The following GMPS variants were observed in gnomAD, a reference collection of about 807,000 sequenced individuals.
GMPS encodes the protein GMP synthase [glutamine-hydrolyzing].
GMPS carries 15 observed loss-of-function variants against 77.9 expected under a neutral mutation model. The ratio of observed to expected loss-of-function variants is 0.19; its 90% CI spans 0.13 to 0.30. GMPS has a LOEUF of 0.30. GMPS is among the 10% of genes least tolerant of loss of function. The pLI is 1.00. For synonymous variants in GMPS, 224 were observed against 275.9 expected, an observed-to-expected ratio of 0.81 and a Z score of 1.86; for missense variants, 590 against 838.8, an observed-to-expected ratio of 0.70 and a Z score of 3.66.
intron 1 of GMPS, among the ~76,000 whole-genome samples, chr3:155,878,017 G>A (rs1158581638): frequency 3.3e-5 from 5 of 151,956 alleles, no homozygotes; most frequent in Non-Finnish European, 5.9e-5. Flanking sequence ...CAGGTGATCC[G>A]CCTGCCTTGG....
intron 12 of GMPS, among the ~76,000 whole-genome samples, chr3:155,928,675 A>G (rs1383474104): frequency 1.0e-4 from 13 of 126,726 alleles, no homozygotes; most frequent in Non-Finnish European, 2.0e-4. Flanking sequence ...TCCCAATGCT[A>G]TCCCTCCCCC....
At chr3:155,908,750 TGA>T (rs1754958306) in intron 5 of GMPS, among the ~76,000 whole-genome samples, 1 of 152,210 alleles carries the variant, frequency 6.6e-6, no homozygotes, top group African/African-American at 2.4e-5. Context: ...CTCAGGAGTT[TGA>T]GTTTGCATAT....
intron 1 of GMPS, among the ~76,000 whole-genome samples, chr3:155,886,611 CTTTTTTTTTTTTT>C (rs58367815): frequency 0.031 from 2,440 of 78,164 alleles, 141 homozygotes; most frequent in African/African-American, 0.12. Flanking sequence ...TTCCTGATGA[CTTTTTTTTTTTTT>C]TTTTTTTTTT....
At chr3:155,884,215 G>A (rs1023250743) in intron 1 of GMPS, among the ~76,000 whole-genome samples, 1 of 151,040 alleles carries the variant, frequency 6.6e-6, no homozygotes, top group Admixed American at 6.6e-5. Context: ...GTGAAACCCC[G>A]TCTCTACTAA....
intron 12 of GMPS, among the ~76,000 whole-genome samples, chr3:155,930,025 G>T (rs1394393656): frequency 1.3e-4 from 19 of 149,364 alleles, no homozygotes; most frequent in Admixed American, 8.7e-4. Context: ...AGTTCATATG[G>T]AACCAAAAAA....
intron 9 of GMPS, among the ~76,000 whole-genome samples, chr3:155,916,907 C>T (rs1755194329): frequency 6.6e-6 from 1 of 152,136 alleles, no homozygotes; most frequent in South Asian, 2.1e-4. Flanking sequence ...CACATCCTCA[C>T]CAAGACTTGT....
At chr3:155,879,130 C>T (rs1420286516) in intron 1 of GMPS, among the ~76,000 whole-genome samples, 6 of 152,210 alleles carry the variant, frequency 3.9e-5, no homozygotes, top group Middle Eastern at 3.4e-3. Flanking sequence ...ATTCAAATGC[C>T]AGTCTCTCCT....
At chr3:155,871,040 A>T in intron 1 of GMPS, 143 bp downstream of exon 1, 2 of 676,780 alleles carry the variant, frequency 3.0e-6, no homozygotes, top group Non-Finnish European at 4.4e-6. Flanking sequence ...CGCGTCGTAG[A>T]GTCCCTGGTC....
chr3:155,941,543 G>A lies in GMPS; in HGVS notation c.*3851G>A. ...TTCAGAAATTCTCTGACATCTGCTT[G>A]CGCAATGTTATAACCACTTTCCCAC... On this transcript the variant is annotated 3_prime_UTR_variant, in exon 16 of 16. Transcript: ENST00000496455. 2 of 220,070 alleles carry A rather than the reference G, an allele frequency of 9.1e-6. No homozygotes were observed. Among genetic ancestry groups the A allele is most frequent in the Non-Finnish European group, 1.8e-5 (2 of 109,830 alleles). The allele number at this position is 220,070 out of a possible 1,614,324, so 13.6% of individuals were successfully genotyped here.
At chr3:155,928,286 CA>C (rs200399950) in intron 12 of GMPS, among the ~76,000 whole-genome samples, 8,269 of 151,940 alleles carry the variant, frequency 0.054, 316 homozygotes, top group East Asian at 0.18. Flanking sequence ...CTCGGCCTCC[CA>C]AAAGTGCTAG....
intron 7 of GMPS, among the ~76,000 whole-genome samples, chr3:155,912,806 G>T (rs1755074675): frequency 6.6e-6 from 1 of 152,144 alleles, no homozygotes. Flanking sequence ...AAAGCAAGCT[G>T]ATTTGTGCTG....
intron 12 of GMPS, among the ~76,000 whole-genome samples, chr3:155,930,942 C>T (rs139958070): frequency 6.6e-6 from 1 of 152,290 alleles, no homozygotes; most frequent in African/African-American, 2.4e-5. Context: ...CCTATCTCAG[C>T]TTCCTGAGTA....
intron 6 of GMPS, 39 bp from the exon 7 acceptor site, chr3:155,911,075 C>T (rs1232638383): frequency 1.3e-6 from 2 of 1,501,522 alleles, no homozygotes; most frequent in Admixed American, 4.0e-5. Context: ...TTTCTTTTTG[C>T]TTGTTTTGCT....
In GMPS at chr3:155,919,286, G is replaced by T; in HGVS notation, c.1266G>T (p.Leu422Phe). 6.3e-7 allele frequency: 1 copy of T among 1,597,854 alleles called. No homozygotes were observed. The highest frequency in any genetic ancestry group is 8.5e-7 in the Non-Finnish European group (1 of 1,170,326). ...TTCATAAAGATGAAGTGAGAATTTT[G>T]GGCAGAGAACTTGGACTTCCAGAAG... ...KDFHKDEVRI[L>F]GRELGLPEEL... The change falls in exon 10 of 16, where the codon TTG becomes TTT. Residue 422 changes from leucine to phenylalanine, a missense_variant. Coordinates refer to ENST00000496455, the MANE Select transcript of GMPS (RefSeq NM_003875.3).
intron 6 of GMPS, 80 bp downstream of exon 6, chr3:155,910,965 C>T: frequency 9.1e-7 from 1 of 1,102,552 alleles, no homozygotes; most frequent in African/African-American, 1.6e-5. Flanking sequence ...TCAACACAGC[C>T]CTTAAATGTT....
At chr3:155,885,328 A>G (rs1439015794) in intron 1 of GMPS, among the ~76,000 whole-genome samples, 1 of 152,212 alleles carries the variant, frequency 6.6e-6, no homozygotes, top group Non-Finnish European at 1.5e-5. Flanking sequence ...GAGGTAGTGA[A>G]AATGAACTCA....
chr3:155,931,819 G>T lies in GMPS; in HGVS notation c.1615G>T (p.Asp539Tyr). ...TGGAATCTCCAGTAAAGATGAACCT[G>T]ACTGGGAATCACTTATTTTTCTGGC... ...VCGISSKDEP[D>Y]WESLIFLARL... Residue 539 changes from aspartate (D) to tyrosine (Y), a missense_variant, in exon 13 of 16, where the codon GAC (aspartate) becomes TAC (tyrosine). Transcript: ENST00000496455. 1.3e-6 allele frequency: 2 copies of T among 1,598,934 alleles called. No homozygotes were observed. Among genetic ancestry groups the T allele is most frequent in the South Asian group, 2.2e-5 (2 of 90,672 alleles).
intron 1 of GMPS, among the ~76,000 whole-genome samples, chr3:155,879,229 C>G (rs1754147128): frequency 1.3e-5 from 2 of 151,626 alleles, no homozygotes; most frequent in Non-Finnish European, 2.9e-5. Context: ...CTGAAATTAG[C>G]CATCACAATT....
intron 9 of GMPS, among the ~76,000 whole-genome samples, chr3:155,918,302 AT>A (rs2108116702): frequency 6.6e-6 from 1 of 152,254 alleles, no homozygotes; most frequent in East Asian, 1.9e-4. Context: ...ATACAAAAAA[AT>A]TAGCCAGGTT....
Sources: gnomAD v4.1 joint callset for allele counts (sites outside exome capture counted in the v4.1 genomes callset) on GRCh38, gnomAD v4.1.1 for gene constraint, MANE v1.5 for transcripts, NCBI Gene and HGNC (gene_info 2026-07-23, HGNC 2026-07-21) for gene names.